CFH: variants seen among roughly 807,000 people sequenced by gnomAD.
CFH encodes complement factor H.
In CFH, 53 loss-of-function variants were observed where a neutral mutation model predicts 147.3. The observed-to-expected ratio is 0.36, with a 90% CI of 0.29 to 0.45. CFH has a LOEUF of 0.45. Ranked by LOEUF, CFH falls within the 20% of genes least tolerant of loss-of-function variation. CFH has a pLI of 1.00. For missense variants in CFH, 1,380 were observed against 1,498.0 expected (o/e 0.92, Z 1.30); for synonymous variants, 536 against 489.4 (o/e 1.10, Z -1.26).
At chr1:196,728,148 C>A (rs1360589892) in intron 14 of CFH, among the ~76,000 whole-genome samples, 198 bp from the exon 15 acceptor site, 5 of 151,930 alleles carry the variant, frequency 3.3e-5, no homozygotes, top group African/African-American at 1.2e-4. Context: ...AACATTTCAG[C>A]GACAGAATAC....
At chr1:196,677,960 T>C (rs1667514383) in intron 5 of CFH, 1 of 384,354 alleles carries the variant, frequency 2.6e-6, no homozygotes, top group East Asian at 6.1e-5. Context: ...AAGTTAGGAT[T>C]TAAATGTAGG....
intron 9 of CFH, chr1:196,701,359 A>G: frequency 6.2e-7 from 1 of 1,613,694 alleles, no homozygotes; most frequent in Non-Finnish European, 8.5e-7. Context: ...ATCCCTCTCC[A>G]GCTTGAGTGG....
chr1:196,743,885 C>T (rs1326126029), intron 20 of CFH, among the ~76,000 whole-genome samples: 2 of 152,090 alleles, frequency 1.3e-5, no homozygotes, highest in Non-Finnish European at 2.9e-5. Context: ...TTAGTTCCTT[C>T]TCAGGAATAC....
intron 7 of CFH, 79 bp from the exon 8 acceptor site, chr1:196,689,341 G>T (rs1277207002): frequency 7.8e-7 from 1 of 1,281,538 alleles, no homozygotes; most frequent in East Asian, 2.5e-5. Flanking sequence ...ATATAATTCA[G>T]TGATAAAAAT....
intron 6 of CFH, among the ~76,000 whole-genome samples, chr1:196,683,439 A>G (rs975374941): frequency 1.3e-5 from 2 of 151,728 alleles, no homozygotes; most frequent in Non-Finnish European, 3.0e-5. Flanking sequence ...GAGTTAAAGA[A>G]TAAATGTGAG....
chr1:196,732,626 A>G (rs1029735317), intron 15 of CFH, among the ~76,000 whole-genome samples: 4 of 152,094 alleles, frequency 2.6e-5, no homozygotes, highest in African/African-American at 9.6e-5. Flanking sequence ...GAAAGACCTC[A>G]CTAATTTTTC....
intron 11 of CFH, among the ~76,000 whole-genome samples, chr1:196,718,856 A>T (rs541832872): frequency 9.9e-5 from 15 of 152,042 alleles, no homozygotes; most frequent in Non-Finnish European, 2.1e-4. Context: ...ACACATAACT[A>T]GGAATTTGCT....
intron 6 of CFH, among the ~76,000 whole-genome samples, chr1:196,681,142 C>A (rs1667637704): frequency 6.6e-6 from 1 of 151,788 alleles, no homozygotes; most frequent in Non-Finnish European, 1.5e-5. Flanking sequence ...TTTATCCATG[C>A]AGTAATCAAA....
intron 11 of CFH, 97 bp downstream of exon 11, chr1:196,715,866 T>G: frequency 9.7e-7 from 1 of 1,028,206 alleles, no homozygotes; most frequent in East Asian, 2.5e-5. Flanking sequence ...TGTTAAGGAA[T>G]GTTGATTAAA....
rs370797361 is a variant in CFH at position 196,685,182 on chromosome 1, G to A, written c.909G>A (p.Arg303=). The A allele has an allele frequency of 3.1e-6, 5 of 1,612,946 alleles. No homozygotes were observed. The highest frequency in any genetic ancestry group is 2.2e-5 in the South Asian group (2 of 91,066). Residue 303 remains arginine, a synonymous_variant, in exon 7 of 22, where the codon CGG becomes CGA. Transcript: ENST00000367429. ...GAAATGGTTTTTATCCTGCAACCCG[G>A]GGAAATACAGCAAAATGCACAAGTA... is the stretch of plus-strand genomic sequence containing the variant. ...QCRNGFYPAT[R]GNTAKCTSTG... is the part of the protein sequence containing the mutation.
intron 1 of CFH, among the ~76,000 whole-genome samples, chr1:196,667,675 A>T (rs1420097040): frequency 6.6e-6 from 1 of 152,138 alleles, no homozygotes; most frequent in Non-Finnish European, 1.5e-5. Context: ...GAATCCATTT[A>T]TATTTAATGT....
intron 11 of CFH, among the ~76,000 whole-genome samples, chr1:196,721,651 G>C (rs1273246408): frequency 6.6e-6 from 1 of 151,734 alleles, no homozygotes; most frequent in Non-Finnish European, 1.5e-5. Context: ...ATAGTCATTG[G>C]GGGTGTGGAG....
rs766043678 is a variant in CFH, at chr1:196,679,698, G to A, written c.695G>A (p.Arg232Gln). ...SQKIIYKENE[R>Q]FQYKCNMGYE... ...AAGATTATTTATAAGGAGAATGAAC[G>A]ATTTCAATATAAATGTAACATGGGT... The change falls in exon 6 of 22, where the codon CGA becomes CAA. Residue 232 changes from arginine to glutamine, a missense_variant. By Grantham distance (43) the Arg-to-Gln change is conservative. Around this residue, in one of 4 missense-constraint regions of CFH, gnomAD observed 167 missense variants for 228.0 expected, o/e 0.73. Coordinates refer to ENST00000367429, the MANE Select transcript of CFH (RefSeq NM_000186.4). The A allele has an allele frequency of 1.2e-6, 2 of 1,609,228 alleles. No individual in the cohort carries two copies. The highest frequency in any genetic ancestry group is 8.5e-7 in the Non-Finnish European group (1 of 1,176,366).
In CFH at chr1:196,652,194, CTT is replaced by C. The variant is rs368761679; in HGVS notation, c.58+22_58+23del. The C allele has an allele frequency of 3.4e-4, 541 of 1,572,634 alleles. 3 individuals are homozygous for C. The African/African-American group carries it at 6.4e-3, about 19-fold the overall frequency. The stretch of plus-strand genomic sequence containing the variant: ...GCAGAAGGTAAGATTAAAAGAGACT[CTT>C]TTCTGAAAACTGTATTATGAAACAT... On this transcript the variant is annotated intron_variant, in intron 1 of 21. Transcript: ENST00000367429.
At chr1:196,680,595 A>G (rs2149082618) in intron 6 of CFH, among the ~76,000 whole-genome samples, 1 of 152,006 alleles carries the variant, frequency 6.6e-6, no homozygotes, top group East Asian at 1.9e-4. Flanking sequence ...AAACATTTAT[A>G]AAATAAGTGG....
chr1:196,722,560 T>A (rs1192662418), intron 11 of CFH, among the ~76,000 whole-genome samples: 1 of 152,156 alleles, frequency 6.6e-6, no homozygotes, highest in Non-Finnish European at 1.5e-5. Flanking sequence ...GATGACTATA[T>A]GTTTGTAGAA....
At chr1:196,706,041 T>C (rs1006554019) in intron 9 of CFH, among the ~76,000 whole-genome samples, 2 of 152,080 alleles carry the variant, frequency 1.3e-5, no homozygotes, top group African/African-American at 4.8e-5. Context: ...AGCAGCTTTA[T>C]GCACCACGGA....
chr1:196,685,229 G>A lies in CFH; in HGVS notation c.956G>A (p.Arg319Lys). The A allele has an allele frequency of 6.2e-7, 1 of 1,612,782 alleles. No individual in the cohort carries two copies. Residue 319 changes from arginine to lysine, a missense_variant, in exon 7 of 22, where the codon AGA becomes AAA. Physicochemically the swap from Arg to Lys is conservative, Grantham distance 26. Around this residue, in one of 4 missense-constraint regions of CFH, gnomAD observed 167 missense variants for 228.0 expected, o/e 0.73. Coordinates refer to ENST00000367429, the MANE Select transcript of CFH (RefSeq NM_000186.4). ...AGTACTGGCTGGATACCTGCTCCGA[G>A]ATGTACCTGTAAGTTCCATTCATAT... ...CTSTGWIPAP[R>K]CTLKPCDYPD...
intron 11 of CFH, among the ~76,000 whole-genome samples, chr1:196,722,898 C>T (rs1192488966): frequency 1.3e-5 from 2 of 151,902 alleles, no homozygotes; most frequent in Non-Finnish European, 2.9e-5. Flanking sequence ...TTTTGTAATT[C>T]TTCAATGAAT....
Sources: gnomAD v4.1 joint callset for allele counts (sites outside exome capture counted in the v4.1 genomes callset) on GRCh38, gnomAD v4.1.1 for gene constraint, gnomAD v4.1.1 regional missense constraint, MANE v1.5 for transcripts, NCBI Gene and HGNC (gene_info 2026-07-23, HGNC 2026-07-21) for gene names.